The following MINDY3 variants were observed in gnomAD, a reference collection of about 807,000 sequenced individuals.
MINDY3 encodes MINDY lysine 48 deubiquitinase 3, also known as ubiquitin carboxyl-terminal hydrolase MINDY-3.
Under a neutral mutation model 69.2 loss-of-function variants are expected in MINDY3, and 38 were observed. The observed-to-expected ratio is 0.55, with a 90% CI of 0.42 to 0.72. MINDY3 has a LOEUF of 0.72. Ranked by LOEUF, MINDY3 falls within the 30% of genes least tolerant of loss-of-function variation. The probability of loss-of-function intolerance (pLI) is 0.00; values close to 1 mark genes in which losing one functional copy is unlikely to be tolerated. For synonymous variants in MINDY3, 192 were observed against 180.1 expected, an observed-to-expected ratio of 1.07 and a Z score of -0.53; for missense variants, 522 against 519.0, an observed-to-expected ratio of 1.01 and a Z score of -0.06.
chr10:15,820,679 T>G (rs780364036), intron 9 of MINDY3, among the ~76,000 whole-genome samples: 6 of 152,210 alleles, frequency 3.9e-5, no homozygotes, highest in Non-Finnish European at 8.8e-5. Flanking sequence ...GATTATCATA[T>G]GCATATCACC....
intron 12 of MINDY3, chr10:15,789,044 G>T: frequency 2.4e-6 from 1 of 416,854 alleles, no homozygotes; most frequent in Non-Finnish European, 4.3e-6. Flanking sequence ...AGTAATTGCT[G>T]GGTGGGAAAG....
intron 8 of MINDY3, among the ~76,000 whole-genome samples, chr10:15,823,372 T>C (rs1162114337): frequency 2.6e-5 from 4 of 152,160 alleles, no homozygotes; most frequent in African/African-American, 9.7e-5. Context: ...TACTCTCTCA[T>C]AAGCACAGAG....
intron 6 of MINDY3, among the ~76,000 whole-genome samples, chr10:15,835,419 A>G (rs1180009257): frequency 1.3e-5 from 2 of 152,130 alleles, no homozygotes; most frequent in Non-Finnish European, 2.9e-5. Context: ...CAAGATTTTT[A>G]AAGAATGACT....
At chr10:15,836,806 C>G (rs1044141512) in intron 6 of MINDY3, among the ~76,000 whole-genome samples, 4 of 150,474 alleles carry the variant, frequency 2.7e-5, no homozygotes, top group Non-Finnish European at 4.4e-5. Flanking sequence ...GAAAACAAAA[C>G]AAAATAAGAA....
chr10:15,834,468 A>T, intron 7 of MINDY3, 75 bp downstream of exon 7: 1 of 996,156 alleles, frequency 1.0e-6, no homozygotes, highest in Non-Finnish European at 1.6e-6. Context: ...TACTTGACTC[A>T]GTCATGTTTT....
intron 11 of MINDY3, among the ~76,000 whole-genome samples, chr10:15,791,609 T>C (rs1197630521): frequency 1.3e-5 from 2 of 151,928 alleles, no homozygotes; most frequent in Non-Finnish European, 2.9e-5. Context: ...GTAATGCTGT[T>C]GGATTGTGGC....
chr10:15,791,381 T>C (rs1455693482), intron 11 of MINDY3, among the ~76,000 whole-genome samples: 1 of 151,686 alleles, frequency 6.6e-6, no homozygotes, highest in Non-Finnish European at 1.5e-5. Flanking sequence ...GGCACAAAGA[T>C]GAAAAGACAA....
At chr10:15,820,858 C>T (rs1010102634) in intron 9 of MINDY3, among the ~76,000 whole-genome samples, 10 of 152,146 alleles carry the variant, frequency 6.6e-5, no homozygotes, top group East Asian at 1.9e-4. Flanking sequence ...GTAATCCCAG[C>T]ACTTAGGGAT....
intron 1 of MINDY3, 82 bp downstream of exon 1, chr10:15,860,124 G>T: frequency 9.6e-7 from 1 of 1,042,222 alleles, no homozygotes; most frequent in Non-Finnish European, 1.5e-6. Flanking sequence ...CACGCGAGGG[G>T]CTGGAGCGAG....
chr10:15,813,978 C>CAAAA (rs777561427), intron 10 of MINDY3, among the ~76,000 whole-genome samples: 1 of 66,294 alleles, frequency 1.5e-5, no homozygotes, highest in African/African-American at 5.6e-5. Flanking sequence ...CACCAAAACT[C>CAAAA]AAAAAAAAAA....
chr10:15,855,943 A>G (rs140400027), intron 1 of MINDY3, among the ~76,000 whole-genome samples: 208 of 152,282 alleles, frequency 1.4e-3, no homozygotes, highest in African/African-American at 4.3e-3. Context: ...CAAATTATAT[A>G]TTCAAAGTAC....
At chr10:15,813,783 T>G (rs1210343581) in intron 10 of MINDY3, among the ~76,000 whole-genome samples, 2 of 152,094 alleles carry the variant, frequency 1.3e-5, no homozygotes, top group African/African-American at 4.8e-5. Context: ...CAGACTGCCT[T>G]AAAAATTATG....
intron 12 of MINDY3, among the ~76,000 whole-genome samples, chr10:15,787,703 G>A (rs114062461): frequency 0.019 from 2,879 of 152,216 alleles, 84 homozygotes; most frequent in African/African-American, 0.063. Context: ...CCTACCTGAC[G>A]TCTAGTATTG....
chr10:15,821,450 G>C (rs1839754451), intron 9 of MINDY3, among the ~76,000 whole-genome samples: 1 of 152,062 alleles, frequency 6.6e-6, no homozygotes, highest in African/African-American at 2.4e-5. Context: ...AATAACAACA[G>C]ACCTAGCATA....
At chr10:15,820,337 G>A (rs972244544) in intron 9 of MINDY3, among the ~76,000 whole-genome samples, 9 of 152,052 alleles carry the variant, frequency 5.9e-5, no homozygotes, top group African/African-American at 9.7e-5. Context: ...AGAAAGCAAC[G>A]CAACTGCAAA....
chr10:15,842,904 C>CAAAAAAAAAAAAAAAA (rs370464190), intron 3 of MINDY3, among the ~76,000 whole-genome samples: 2 of 68,240 alleles, frequency 2.9e-5, no homozygotes, highest in Non-Finnish European at 5.9e-5. Flanking sequence ...AATAAGACTA[C>CAAAAAAAAAAAAAAAA]AAAAAAAAAA....
At chr10:15,851,677 T>C (rs146073708) in intron 1 of MINDY3, among the ~76,000 whole-genome samples, 101 of 152,156 alleles carry the variant, frequency 6.6e-4, no homozygotes, top group African/African-American at 1.9e-3. Flanking sequence ...TTAAATACTG[T>C]TGAGTTTCCA....
chr10:15,833,147 A>G (rs1199823280), intron 8 of MINDY3, among the ~76,000 whole-genome samples: 1 of 152,178 alleles, frequency 6.6e-6, no homozygotes, highest in African/African-American at 2.4e-5. Flanking sequence ...AATAATTGAG[A>G]CCAGAAATGG....
chr10:15,828,417 G>A (rs1174264180), intron 8 of MINDY3, among the ~76,000 whole-genome samples: 1 of 152,150 alleles, frequency 6.6e-6, no homozygotes, highest in Non-Finnish European at 1.5e-5. Context: ...GGCTGGCGTG[G>A]AAGGAAGTAT....
Sources: gnomAD v4.1 joint callset for allele counts (sites outside exome capture counted in the v4.1 genomes callset) on GRCh38, gnomAD v4.1.1 for gene constraint, MANE v1.5 for transcripts, NCBI Gene and HGNC (gene_info 2026-07-23, HGNC 2026-07-21) for gene names.